ZBTB48: variants seen among roughly 807,000 people sequenced by gnomAD.
The protein encoded by ZBTB48 is zinc finger and BTB domain-containing protein 48.
In ZBTB48, 35 loss-of-function variants were observed where a neutral mutation model predicts 64.5. The observed-to-expected ratio is 0.54, with a 90% CI of 0.41 to 0.72. The LOEUF is 0.72. Among genes scored for constraint, ZBTB48 ranks in the 30% least tolerant of loss-of-function variants. ZBTB48 has a pLI of 0.00. For missense variants in ZBTB48, 828 were observed against 895.3 expected, an observed-to-expected ratio of 0.92 and a Z score of 0.96; for synonymous variants, 442 against 356.7, an observed-to-expected ratio of 1.24 and a Z score of -2.70.
chr1:6,583,389 C>A (rs1640541941), intron 3 of ZBTB48, among the ~76,000 whole-genome samples: 1 of 152,126 alleles, frequency 6.6e-6, no homozygotes, highest in Non-Finnish European at 1.5e-5. Context: ...CAACCTCCGC[C>A]TCCTGGGTTC....
Position 6,588,068 on chromosome 1 carries a change from G to A in ZBTB48, c.1388G>A (p.Arg463Lys), listed in dbSNP as rs1375158932. Residue 463 changes from arginine (R) to lysine (K), a missense_variant, in exon 8 of 11, where the codon AGG (arginine) becomes AAG (lysine). Physicochemically the swap from Arg to Lys is conservative, Grantham distance 26. Coordinates refer to ENST00000377674, the MANE Select transcript of ZBTB48 (RefSeq NM_005341.4). ...TGTCCCCACCTTAACAGGAATGAGA[G>A]GCCACACGTATGTGAGTTCTGCAGC... is the stretch of plus-strand genomic sequence containing the variant. ...MHIKAKHRNE[R>K]PHVCEFCSHA... 1.9e-6 allele frequency: 3 copies of A among 1,614,090 alleles called. No homozygotes were observed. The African/African-American group carries it at 4.0e-5, about 22-fold the overall frequency.
chr1:6,586,922 CCTTTCCAGT>C, intron 5 of ZBTB48, 135 bp downstream of exon 5: 1 of 779,388 alleles, frequency 1.3e-6, no homozygotes, highest in Non-Finnish European at 2.1e-6. Flanking sequence ...GCCTTCCCTG[CCTTTCCAGT>C]GCCCCCTTAT....
chr1:6,587,104 A>G, intron 5 of ZBTB48, 101 bp from the exon 6 acceptor site: 1 of 1,288,410 alleles, frequency 7.8e-7, no homozygotes, highest in Non-Finnish European at 1.1e-6. Context: ...GAATCATCTC[A>G]CCGGGGCCTC....
rs570739943 is a variant in ZBTB48 at position 6,580,074 on chromosome 1, C to G, written c.-132C>G. 2.1e-5 allele frequency: 4 copies of G among 191,872 alleles called. No individual in the cohort carries two copies. The highest frequency in any genetic ancestry group is 3.3e-5 in the Non-Finnish European group (3 of 91,206). The allele number at this position is 191,872 out of a possible 1,614,324, so 11.9% of individuals were successfully genotyped here. A position where few individuals can be genotyped will look rare whatever the true frequency, so the allele number is the denominator to read the frequency against. On this transcript the variant is annotated 5_prime_UTR_variant, in exon 1 of 11. Coordinates refer to ENST00000377674, the MANE Select transcript of ZBTB48 (RefSeq NM_005341.4). The surrounding 1 kb of genome is among the most constrained non-coding windows in gnomAD (Gnocchi z 5.2). ...GGTACGCATAGCCGGGCACTAGGTT[C>G]GTGGGCTGTGGAGGCGACGGAGCAG...
Position 6,588,332 on chromosome 1 carries a change from A to T in ZBTB48, c.1571A>T (p.Glu524Val), listed in dbSNP as rs914937011. The T allele has an allele frequency of 1.9e-6, 3 of 1,608,192 alleles. No individual in the cohort carries two copies. Among genetic ancestry groups the T allele is most frequent in the Non-Finnish European group, 2.6e-6 (3 of 1,175,660 alleles). ...ACCGGGGAAAGGCCCTTCAGTTGCGAGTTCTGTGAACAGCGCTTCACTGAG... is the reference window on the plus strand; with the variant it reads ...ACCGGGGAAAGGCCCTTCAGTTGCGTGTTCTGTGAACAGCGCTTCACTGAG... Reference protein sequence around the residue: ...THTGERPFSCEFCEQRFTEKG... With the variant: ...THTGERPFSCVFCEQRFTEKG... Residue 524 changes from glutamate (E) to valine (V), a missense_variant, in exon 9 of 11, where the codon GAG becomes GTG. By Grantham distance (121) the Glu-to-Val change is moderately radical. Coordinates refer to ENST00000377674, the MANE Select transcript of ZBTB48 (RefSeq NM_005341.4).
chr1:6,583,941 G>A (rs2148688696), intron 3 of ZBTB48, among the ~76,000 whole-genome samples: 1 of 152,086 alleles, frequency 6.6e-6, no homozygotes, highest in Admixed American at 6.5e-5. Flanking sequence ...CACCACACCT[G>A]GCTAATTTTT....
intron 9 of ZBTB48, 126 bp downstream of exon 9, chr1:6,588,568 C>T (rs1479387719): frequency 6.9e-7 from 1 of 1,445,312 alleles, no homozygotes; most frequent in Non-Finnish European, 9.1e-7. Flanking sequence ...TGAGAGTGGA[C>T]CTGCTTTGAA....
In ZBTB48 at chr1:6,583,893, C is replaced by T. The variant is rs563279380; in HGVS notation, c.932+1594C>T. On this transcript the variant is annotated intron_variant, in intron 3 of 10. Transcript: ENST00000377674. Reference sequence around the variant, plus strand: ...CTCCCAGGTTCAAGCGATTCTCCTGCCTCAGCCTCCTGAGTAGCTGGGATT... The same window carrying T: ...CTCCCAGGTTCAAGCGATTCTCCTGTCTCAGCCTCCTGAGTAGCTGGGATT... 4.0e-5 allele frequency among the ~76,000 whole-genome samples: 6 copies of T among 151,460 alleles called. No homozygotes were observed. The South Asian group carries it at 1.3e-3, about 32-fold the overall frequency.
chr1:6,588,449 G>T lies in ZBTB48; in HGVS notation c.1681+7G>T, dbSNP rs2148696314. The stretch of plus-strand genomic sequence containing the variant: ...TGCGGCAAGACCTTCAAAGGTACCT[G>T]GGCGGCCCTGGGAGAGCCATTTCCT... On this transcript the variant is annotated splice_region_variant and intron_variant, in intron 9 of 10. Transcript: ENST00000377674. 1 of 1,506,994 alleles carries T rather than the reference G, an allele frequency of 6.6e-7. No homozygotes were observed. Among genetic ancestry groups the T allele is most frequent in the East Asian group, 2.4e-5 (1 of 42,272 alleles). The allele number at this position is 1,506,994 out of a possible 1,614,324, so 93.4% of individuals were successfully genotyped here.
In ZBTB48 at chr1:6,580,461, A is replaced by C; in HGVS notation, c.-69-80A>C. 2.5e-6 allele frequency: 2 copies of C among 812,916 alleles called. No individual in the cohort carries two copies. The highest frequency in any genetic ancestry group is 2.7e-5 in the East Asian group (1 of 36,996). The allele number at this position is 812,916 out of a possible 1,614,324, so 50.4% of individuals were successfully genotyped here. A position where few individuals can be genotyped will look rare whatever the true frequency, so the allele number is the denominator to read the frequency against. On this transcript the variant is annotated intron_variant, in intron 1 of 10. Transcript: ENST00000377674. The surrounding 1 kb of genome is among the most constrained non-coding windows in gnomAD (Gnocchi z 5.2). ...TTCCAGCCCTCCGCGTGCACCCCTC[A>C]CCCTGACCCAAGCCCTCGTGCTGAT...
At chr1:6,586,638 C>G in intron 4 of ZBTB48, 57 bp from the exon 5 acceptor site, 1 of 1,466,988 alleles carries the variant, frequency 6.8e-7, no homozygotes, top group Non-Finnish European at 9.0e-7. Context: ...GCAGAGGCTG[C>G]TGTCATAGGC....
rs1640775850 is a variant in ZBTB48, at chr1:6,588,862, C to G, written c.1770+18C>G. ...CCCGACAGGTAGGCCAGGGCCTGGG[C>G]CCCTTCCCCTACCCTAGGATCCCCC... On this transcript the variant is annotated intron_variant, in intron 10 of 10. Transcript: ENST00000377674. 1.9e-6 allele frequency: 3 copies of G among 1,613,868 alleles called. No homozygotes were observed. In the African/African-American group the frequency reaches 4.0e-5, roughly 22 times the overall value.
chr1:6,582,027 C>T, intron 2 of ZBTB48, 31 bp from the exon 3 acceptor site: 7 of 1,605,610 alleles, frequency 4.4e-6, no homozygotes, highest in Non-Finnish European at 6.0e-6. Flanking sequence ...TTTGGTGACG[C>T]CACCCCCTCC....
At chr1:6,585,641 C>T in intron 3 of ZBTB48, 2 of 437,498 alleles carry the variant, frequency 4.6e-6, no homozygotes, top group East Asian at 8.0e-5. Context: ...TCTGTTTCTG[C>T]CTTCAGACAG....
At chr1:6,586,213 C>T (rs920839883) in intron 4 of ZBTB48, 183 bp downstream of exon 4, 17 of 656,990 alleles carry the variant, frequency 2.6e-5, no homozygotes, top group African/African-American at 1.4e-4. Context: ...GTCCTGAGGG[C>T]GGAAGGGACA....
chr1:6,584,819 C>T lies in ZBTB48; in HGVS notation c.933-1100C>T, dbSNP rs1640601582. The stretch of plus-strand genomic sequence containing the variant: ...GTAGAGGAAGAGGATGAGAGAGCTG[C>T]TTGGCCTCTGGAAGGTGGGAGGAGC... On this transcript the variant is annotated intron_variant, in intron 3 of 10. Coordinates refer to ENST00000377674, the MANE Select transcript of ZBTB48 (RefSeq NM_005341.4). The surrounding 1 kb of genome is among the most constrained non-coding windows in gnomAD (Gnocchi z 4.5). Among the ~76,000 whole-genome samples the T allele has an allele frequency of 6.6e-6, 1 of 152,132 alleles. No individual in the cohort carries two copies. The highest frequency in any genetic ancestry group is 1.5e-5 in the Non-Finnish European group (1 of 68,024).
chr1:6,584,637 G>A lies in ZBTB48; in HGVS notation c.933-1282G>A, dbSNP rs942011874. On this transcript the variant is annotated intron_variant, in intron 3 of 10. Transcript: ENST00000377674. This position sits in a 1 kb window ranked among gnomAD's most constrained non-coding sequence, Gnocchi z 4.5. Reference sequence around the variant, plus strand: ...AGTGTCGGGGGTCCTGGGGCAGCCTGTGTACTGCTGGATGCTTGCTTTCAA... The same window carrying A: ...AGTGTCGGGGGTCCTGGGGCAGCCTATGTACTGCTGGATGCTTGCTTTCAA... Among the ~76,000 whole-genome samples, 5 of 152,246 alleles carry A rather than the reference G, an allele frequency of 3.3e-5. No homozygotes were observed. Among genetic ancestry groups the A allele is most frequent in the African/African-American group, 1.2e-4 (5 of 41,460 alleles).
chr1:6,589,038 T>C lies in ZBTB48; in HGVS notation c.1893T>C (p.Pro631=), dbSNP rs1341488692. ...EKMVVVALQP[P]AELEVGSAEV... ...TGGTGGTGGTGGCGCTGCAGCCGCC[T>C]GCAGAGCTGGAGGTGGGCTCGGCGG... is the stretch of plus-strand genomic sequence containing the variant. Residue 631 remains proline (P), a synonymous_variant, in exon 11 of 11, where the codon CCT becomes CCC. Transcript: ENST00000377674. 3.1e-6 allele frequency: 5 copies of C among 1,599,948 alleles called. No individual in the cohort carries two copies. Among genetic ancestry groups the C allele is most frequent in the South Asian group, 1.1e-5 (1 of 89,790 alleles).
Position 6,581,432 on chromosome 1 carries a change from G to C in ZBTB48, c.690+133G>C, listed in dbSNP as rs939992513. 7.0e-5 allele frequency: 70 copies of C among 1,006,152 alleles called. No homozygotes were observed. The East Asian group carries it at 1.6e-3, about 23-fold the overall frequency. The allele number at this position is 1,006,152 out of a possible 1,614,324, so 62.3% of individuals were successfully genotyped here. A position where few individuals can be genotyped will look rare whatever the true frequency, so the allele number is the denominator to read the frequency against. On this transcript the variant is annotated intron_variant, in intron 2 of 10. Transcript: ENST00000377674. ...ATCCTAGCACTTTGGGAGGCCAAGGGGGGTGGATCACTTTAGCTTGGGAGT... is the reference window on the plus strand; with the variant it reads ...ATCCTAGCACTTTGGGAGGCCAAGGCGGGTGGATCACTTTAGCTTGGGAGT...
Sources: allele counts gnomAD v4.1 joint callset (sites outside exome capture counted in the v4.1 genomes callset), GRCh38; gene constraint gnomAD v4.1.1; non-coding constraint Gnocchi (gnomAD v3.1); transcripts MANE v1.5; gene names NCBI Gene and HGNC (gene_info 2026-07-23, HGNC 2026-07-21).